Variants in DZIP3 observed in about 807,000 individuals in gnomAD.
DZIP3 encodes the protein E3 ubiquitin-protein ligase DZIP3.
Under a neutral mutation model 162.0 loss-of-function variants are expected in DZIP3, and 118 were observed. The observed-to-expected ratio is 0.73, with a 90% CI of 0.63 to 0.85. The LOEUF is 0.85. Among genes scored for constraint, DZIP3 ranks in the 40% least tolerant of loss-of-function variants. The pLI is 0.00. For synonymous variants in DZIP3, 438 were observed against 458.6 expected, an observed-to-expected ratio of 0.96 and a Z score of 0.57; for missense variants, 1,331 against 1,407.0, an observed-to-expected ratio of 0.95 and a Z score of 0.86.
chr3:108,669,701 C>T lies in DZIP3; in HGVS notation c.2444C>T (p.Ala815Val), dbSNP rs201857897. The T allele has an allele frequency of 1.4e-5, 22 of 1,611,144 alleles. No individual in the cohort carries two copies. The Middle Eastern group carries it at 2.2e-3, about 158-fold the overall frequency. The part of the protein sequence containing the change: ...KVSKLQRQIH[A>V]KDNEIKNLKE... Reference sequence around the variant, plus strand: ...CTTAGATTACAGCGTCAAATCCATGCTAAAGATAATGAAATCAAGAACCTT... The same window carrying T: ...CTTAGATTACAGCGTCAAATCCATGTTAAAGATAATGAAATCAAGAACCTT... Residue 815 changes from alanine to valine, a missense_variant, in exon 22 of 33, where the codon GCT becomes GTT. Ala to Val is a moderately conservative substitution (Grantham distance 64). Coordinates refer to ENST00000361582, the MANE Select transcript of DZIP3 (RefSeq NM_014648.4).
intron 4 of DZIP3, among the ~76,000 whole-genome samples, chr3:108,614,145 T>C (rs28678720): frequency 0.019 from 2,907 of 152,256 alleles, 99 homozygotes; most frequent in African/African-American, 0.067. Flanking sequence ...ATGAAATCTA[T>C]TTAAAACATA....
At chr3:108,627,670 T>C (rs927048665) in intron 7 of DZIP3, among the ~76,000 whole-genome samples, 9 of 152,176 alleles carry the variant, frequency 5.9e-5, no homozygotes, top group Non-Finnish European at 1.3e-4. Context: ...AGTTTTTCCA[T>C]ATCAGTGTAC....
At chr3:108,631,055 A>ACACACACACTCTCTCTCTCTCTCTCTCT in intron 8 of DZIP3, among the ~76,000 whole-genome samples, 3 of 18,010 alleles carry the variant, frequency 1.7e-4, no homozygotes, top group Admixed American at 8.5e-4. Flanking sequence ...ACACACACAC[A>ACACACACACTCTCTCTCTCTCTCTCTCT]CTCTCTCTCT....
chr3:108,643,469 G>C (rs1942485691), intron 13 of DZIP3, among the ~76,000 whole-genome samples: 1 of 151,784 alleles, frequency 6.6e-6, no homozygotes, highest in Non-Finnish European at 1.5e-5. Flanking sequence ...GATTTCAGTA[G>C]GTCTAGAGTG....
At chr3:108,656,429 G>C (rs1428368468) in intron 19 of DZIP3, among the ~76,000 whole-genome samples, 1 of 152,164 alleles carries the variant, frequency 6.6e-6, no homozygotes, top group Non-Finnish European at 1.5e-5. Flanking sequence ...CTGCAGCTGA[G>C]GGTCCTGACT....
intron 11 of DZIP3, 45 bp downstream of exon 11, chr3:108,636,753 C>G: frequency 7.3e-7 from 1 of 1,360,574 alleles, no homozygotes; most frequent in Non-Finnish European, 1.0e-6. Flanking sequence ...TGCTTTCCTT[C>G]CTTGGAAAAA....
At chr3:108,668,499 TTG>T (rs1943778002) in intron 21 of DZIP3, among the ~76,000 whole-genome samples, 1 of 152,020 alleles carries the variant, frequency 6.6e-6, no homozygotes, top group South Asian at 2.1e-4. Context: ...TCTACTCTTA[TTG>T]CCCACTCTAA....
chr3:108,655,625 C>T (rs1056978641), intron 19 of DZIP3, among the ~76,000 whole-genome samples: 7 of 152,050 alleles, frequency 4.6e-5, no homozygotes, highest in African/African-American at 1.2e-4. Flanking sequence ...GGGTTCATCT[C>T]ACTGGGGATT....
At chr3:108,654,022 CA>C in intron 18 of DZIP3, 122 bp from the exon 19 acceptor site, 1 of 1,012,796 alleles carries the variant, frequency 9.9e-7, no homozygotes, top group Non-Finnish European at 1.4e-6. Context: ...TTCCTTTGAT[CA>C]TGAACCCTTC....
chr3:108,637,279 A>G (rs1942198920), intron 11 of DZIP3, among the ~76,000 whole-genome samples: 1 of 152,054 alleles, frequency 6.6e-6, no homozygotes, highest in Non-Finnish European at 1.5e-5. Flanking sequence ...TAAATCCTAT[A>G]GTGATATAAA....
intron 13 of DZIP3, among the ~76,000 whole-genome samples, chr3:108,642,989 C>T (rs1942466072): frequency 6.6e-6 from 1 of 152,058 alleles, no homozygotes; most frequent in South Asian, 2.1e-4. Context: ...ATTAAGGGAC[C>T]CTGGGCCCAT....
intron 12 of DZIP3, among the ~76,000 whole-genome samples, chr3:108,638,587 G>A (rs1942259359): frequency 6.6e-6 from 1 of 152,124 alleles, no homozygotes; most frequent in South Asian, 2.1e-4. Flanking sequence ...AAAGTGCTGG[G>A]ATTACAGGCG....
chr3:108,669,713 A>G lies in DZIP3; in HGVS notation c.2456A>G (p.Glu819Gly), dbSNP rs1943850822. The G allele has an allele frequency of 5.6e-6, 9 of 1,611,486 alleles. No individual in the cohort carries two copies. Among genetic ancestry groups the G allele is most frequent in the Non-Finnish European group, 7.6e-6 (9 of 1,178,458 alleles). ...LQRQIHAKDN[E>G]IKNLKEQLSM... ...CGTCAAATCCATGCTAAAGATAATGAAATCAAGAACCTTAAAGAGCAACTT... is the reference window on the plus strand; with the variant it reads ...CGTCAAATCCATGCTAAAGATAATGGAATCAAGAACCTTAAAGAGCAACTT... The change falls in exon 22 of 33, where the codon GAA becomes GGA. Residue 819 changes from glutamate to glycine, a missense_variant. This residue lies in a region of DZIP3 where 1,278 missense variants were observed against 1,317.1 expected (regional missense o/e 0.97). Transcript: ENST00000361582.
chr3:108,636,188 G>A (rs966142716), intron 10 of DZIP3, among the ~76,000 whole-genome samples: 17 of 151,878 alleles, frequency 1.1e-4, no homozygotes, highest in African/African-American at 3.9e-4. Flanking sequence ...TTTAGAAAGA[G>A]AAGTAAAAGA....
At chr3:108,654,063 A>T (rs1309908229) in intron 18 of DZIP3, 82 bp from the exon 19 acceptor site, 1 of 1,446,658 alleles carries the variant, frequency 6.9e-7, no homozygotes, top group East Asian at 2.3e-5. Flanking sequence ...AAACCAGTAC[A>T]ATACTAACTT....
At chr3:108,654,038 G>T (rs2107246012) in intron 18 of DZIP3, 107 bp from the exon 19 acceptor site, 1 of 1,211,178 alleles carries the variant, frequency 8.3e-7, no homozygotes, top group Non-Finnish European at 1.1e-6. Flanking sequence ...CCCTTCTAAT[G>T]CTGAGCATCT....
chr3:108,688,394 A>C (rs563066940), intron 29 of DZIP3, among the ~76,000 whole-genome samples, 199 bp from the exon 30 acceptor site: 1 of 152,330 alleles, frequency 6.6e-6, no homozygotes, highest in Admixed American at 6.5e-5. Context: ...TATTTTAATT[A>C]AAAGAATGTA....
rs1944662564 is a variant in DZIP3, at chr3:108,690,794, G to T, written c.3524G>T (p.Arg1175Ile). ...CAHKFHAQCI[R>I]PWLMQQGTCP... ...AATCTTTTTGCTCCTTAGTGCATTAGACCATGGTTGATGCAACAGGGGACA... is the reference window on the plus strand; with the variant it reads ...AATCTTTTTGCTCCTTAGTGCATTATACCATGGTTGATGCAACAGGGGACA... The change falls in exon 32 of 33, where the codon AGA becomes ATA. Residue 1175 changes from arginine (R) to isoleucine (I), a missense_variant. Physicochemically the swap from Arg to Ile is moderately conservative, Grantham distance 97. Transcript: ENST00000361582. 6.2e-7 allele frequency: 1 copy of T among 1,613,924 alleles called. No individual in the cohort carries two copies. The highest frequency in any genetic ancestry group is 8.5e-7 in the Non-Finnish European group (1 of 1,179,876).
At chr3:108,611,929 A>G (rs1250828615) in intron 4 of DZIP3, among the ~76,000 whole-genome samples, 1 of 150,290 alleles carries the variant, frequency 6.7e-6, no homozygotes, top group African/African-American at 2.5e-5. Context: ...ATGCCACTGC[A>G]CTCCTGCCTG....
Sources: gnomAD v4.1 joint callset for allele counts (sites outside exome capture counted in the v4.1 genomes callset) on GRCh38, gnomAD v4.1.1 for gene constraint, gnomAD v4.1.1 regional missense constraint, MANE v1.5 for transcripts, NCBI Gene and HGNC (gene_info 2026-07-23, HGNC 2026-07-21) for gene names.